The following PTPRN2 variants were observed in gnomAD, a reference collection of about 807,000 sequenced individuals.
The protein encoded by PTPRN2 is protein tyrosine phosphatase receptor type N2, also known as receptor-type tyrosine-protein phosphatase N2.
Under a neutral mutation model 118.8 loss-of-function variants are expected in PTPRN2, and 74 were observed. That is an observed-to-expected ratio of 0.62 (90% CI 0.52 to 0.76). PTPRN2 has a LOEUF of 0.76. PTPRN2 is among the 30% of genes least tolerant of loss of function. The pLI is 0.00. For missense variants in PTPRN2, 1,481 were observed against 1,394.4 expected (o/e 1.06, Z -0.99); for synonymous variants, 641 against 608.0 (o/e 1.05, Z -0.80).
intron 12 of PTPRN2, among the ~76,000 whole-genome samples, chr7:157,685,532 G>A (rs1797144208): frequency 6.6e-6 from 1 of 152,150 alleles, no homozygotes; most frequent in South Asian, 2.1e-4. Flanking sequence ...GGTCACTCGG[G>A]CCAGGTGAGG....
At chr7:157,815,303 C>G (rs1806325818) in intron 12 of PTPRN2, among the ~76,000 whole-genome samples, 1 of 152,248 alleles carries the variant, frequency 6.6e-6, no homozygotes, top group South Asian at 2.1e-4. Context: ...GGGCTCAGGC[C>G]TGCGCCCTCC....
chr7:157,657,488 A>AT (rs1795600145), intron 13 of PTPRN2, among the ~76,000 whole-genome samples: 1 of 31,434 alleles, frequency 3.2e-5, no homozygotes, highest in East Asian at 7.2e-4. Context: ...CACACCACAC[A>AT]CATCACATAT....
rs1264813764 is a variant in PTPRN2 at position 158,382,536 on chromosome 7, C to CG, written c.164-65605dup. On this transcript the variant is annotated intron_variant, in intron 2 of 22. Coordinates refer to ENST00000389418, the MANE Select transcript of PTPRN2 (RefSeq NM_002847.5). ...TCTTACAGCAGGAGTCCCCAACCCC[C>CG]GGGCCATGAACCAGTACAAGAACCA... 3.6e-4 allele frequency among the ~76,000 whole-genome samples: 55 copies of CG among 152,176 alleles called. 1 individual carries two copies. The highest frequency in any genetic ancestry group is 1.5e-5 in the Non-Finnish European group (1 of 68,042).
At chr7:158,371,539 T>C (rs114247736) in intron 2 of PTPRN2, among the ~76,000 whole-genome samples, 3,035 of 152,256 alleles carry the variant, frequency 0.02, 113 homozygotes, top group African/African-American at 0.069. Flanking sequence ...ATTAAAATTC[T>C]TCACTAATAA....
At chr7:157,875,860 C>T (rs1342163163) in intron 12 of PTPRN2, among the ~76,000 whole-genome samples, 2 of 150,280 alleles carry the variant, frequency 1.3e-5, no homozygotes, top group South Asian at 2.1e-4. Flanking sequence ...AGGGCAGGCA[C>T]GGGGCTGCAG....
At chr7:157,582,296 GCAAA>G (rs1385333147) in intron 17 of PTPRN2, among the ~76,000 whole-genome samples, 3 of 152,114 alleles carry the variant, frequency 2.0e-5, no homozygotes, top group African/African-American at 7.2e-5. Context: ...TATTTAATTA[GCAAA>G]CAAACAAAAA....
intron 1 of PTPRN2, among the ~76,000 whole-genome samples, chr7:158,515,236 G>T (rs996647852): frequency 6.6e-6 from 1 of 151,690 alleles, no homozygotes; most frequent in East Asian, 1.9e-4. Flanking sequence ...GCCCAGGCTG[G>T]AGTGCAATGG....
rs1797929594 is a variant in PTPRN2 at position 157,539,783 on chromosome 7, C to T, written c.*931G>A. 6.6e-6 allele frequency: 1 copy of T among 151,952 alleles called. No homozygotes were observed. The highest frequency in any genetic ancestry group is 1.5e-5 in the Non-Finnish European group (1 of 68,086). 9.4% of individuals were successfully genotyped at this position (151,952 alleles called of 1,614,324 possible). A position where few individuals can be genotyped will look rare whatever the true frequency, so the allele number is the denominator to read the frequency against. On this transcript the variant is annotated 3_prime_UTR_variant, in exon 23 of 23. Transcript: ENST00000389418. ...CTCCCAGGAGGGAAATGTCCCCTCT[C>T]TGGGGCCCCACAGGTCCGGGACGTG...
rs778445823 is a variant in PTPRN2, at chr7:157,903,349, A to C, written c.1724-4612T>G. Among the ~76,000 whole-genome samples the C allele has an allele frequency of 1.3e-5, 2 of 151,658 alleles. No homozygotes were observed. The highest frequency in any genetic ancestry group is 2.9e-5 in the Non-Finnish European group (2 of 68,020). Reference sequence around the variant, plus strand: ...GCTCACTACCTGCAAGACGGGAGCAAGCAAGACGGTACCCCAAACCTCAGC... The same window carrying C: ...GCTCACTACCTGCAAGACGGGAGCACGCAAGACGGTACCCCAAACCTCAGC... On this transcript the variant is annotated intron_variant, in intron 11 of 22. Transcript: ENST00000389418. The surrounding 1 kb of genome is among the most constrained non-coding windows in gnomAD (Gnocchi z 4.2).
intron 12 of PTPRN2, among the ~76,000 whole-genome samples, chr7:157,866,807 G>A (rs1810707724): frequency 1.2e-5 from 1 of 85,192 alleles, no homozygotes; most frequent in East Asian, 3.0e-4. Flanking sequence ...CGCCCCCGAC[G>A]CCCTGGATAC....
At chr7:158,372,321 G>C (rs1276521622) in intron 2 of PTPRN2, among the ~76,000 whole-genome samples, 1 of 147,324 alleles carries the variant, frequency 6.8e-6, no homozygotes, top group Non-Finnish European at 1.5e-5. Context: ...CTGGTCCCCG[G>C]AGCTGGTCCC....
intron 4 of PTPRN2, among the ~76,000 whole-genome samples, chr7:158,202,857 C>G (rs936632852): frequency 1.3e-5 from 2 of 152,024 alleles, no homozygotes; most frequent in African/African-American, 4.8e-5. Context: ...ATATAAAGAA[C>G]CTATAATAAA....
chr7:157,801,569 C>T lies in PTPRN2; in HGVS notation c.1788+97104G>A, dbSNP rs183805479. Among the ~76,000 whole-genome samples the T allele has an allele frequency of 2.6e-5, 4 of 152,232 alleles. No homozygotes were observed. The highest frequency in any genetic ancestry group is 1.3e-4 in the Admixed American group (2 of 15,300). ...GTGGGTGATAGAGTATAGGTAAAAACATCTTAGCCTGCATGAAAACAAACA... is the reference window on the plus strand; with the variant it reads ...GTGGGTGATAGAGTATAGGTAAAAATATCTTAGCCTGCATGAAAACAAACA... On this transcript the variant is annotated intron_variant, in intron 12 of 22. Coordinates refer to ENST00000389418, the MANE Select transcript of PTPRN2 (RefSeq NM_002847.5). This position sits in a 1 kb window ranked among gnomAD's most constrained non-coding sequence, Gnocchi z 4.2.
rs1287036202 is a variant in PTPRN2 at position 158,274,443 on chromosome 7, C to T, written c.277+42376G>A. Reference sequence around the variant, plus strand: ...AGCCGCAGACAGACATGGGAGGAGCCGCAGACACGGGGAGCCGCAGACACA... The same window carrying T: ...AGCCGCAGACAGACATGGGAGGAGCTGCAGACACGGGGAGCCGCAGACACA... On this transcript the variant is annotated intron_variant, in intron 3 of 22. Coordinates refer to ENST00000389418, the MANE Select transcript of PTPRN2 (RefSeq NM_002847.5). Among the ~76,000 whole-genome samples, 6 of 139,780 alleles carry T rather than the reference C, an allele frequency of 4.3e-5. 1 individual carries two copies. Among genetic ancestry groups the T allele is most frequent in the South Asian group, 4.6e-4 (2 of 4,344 alleles). 91.7% of individuals were successfully genotyped at this position (139,780 alleles called of 152,430 possible). A position where few individuals can be genotyped will look rare whatever the true frequency, so the allele number is the denominator to read the frequency against.
intron 11 of PTPRN2, among the ~76,000 whole-genome samples, chr7:157,955,707 C>T (rs1393306664): frequency 3.3e-5 from 5 of 152,286 alleles, no homozygotes; most frequent in South Asian, 2.1e-4. Context: ...GAGGGCAAGG[C>T]GGCACCGCAG....
chr7:158,455,790 T>G (rs189631875), intron 2 of PTPRN2, among the ~76,000 whole-genome samples: 1 of 112,036 alleles, frequency 8.9e-6, no homozygotes, highest in African/African-American at 3.6e-5. Context: ...GGCCACCCAT[T>G]ACTCTGCAGA....
chr7:158,217,209 A>G (rs1221699471), intron 3 of PTPRN2, among the ~76,000 whole-genome samples: 5 of 152,306 alleles, frequency 3.3e-5, no homozygotes, highest in African/African-American at 1.2e-4. Context: ...GGCCCCTGAT[A>G]GAGTGCTTTC....
chr7:158,303,058 T>C (rs1801008290), intron 3 of PTPRN2, among the ~76,000 whole-genome samples: 1 of 152,158 alleles, frequency 6.6e-6, no homozygotes, highest in African/African-American at 2.4e-5. Flanking sequence ...CTACTGTGTT[T>C]ATAATGAAAT....
intron 11 of PTPRN2, among the ~76,000 whole-genome samples, chr7:157,937,813 A>C (rs1799812884): frequency 6.6e-6 from 1 of 152,356 alleles, no homozygotes; most frequent in Middle Eastern, 3.4e-3. Context: ...GCGTATCTGC[A>C]ATCTGCTCGT....
Sources: gnomAD v4.1 joint callset for allele counts (sites outside exome capture counted in the v4.1 genomes callset) on GRCh38, gnomAD v4.1.1 for gene constraint, Gnocchi (gnomAD v3.1) non-coding constraint, MANE v1.5 for transcripts, NCBI Gene and HGNC (gene_info 2026-07-23, HGNC 2026-07-21) for gene names.